TMEM272: variants seen among roughly 807,000 people sequenced by gnomAD.
The protein encoded by TMEM272 is transmembrane protein 272.
A neutral mutation model predicts 3.7 loss-of-function variants in TMEM272; 8 were observed. The observed-to-expected ratio is 2.17, with a 90% confidence interval of 1.27 to 3.91. TMEM272 has a LOEUF of 3.91. Among genes scored for constraint, TMEM272 ranks in the 30% most tolerant of loss-of-function variants. The pLI is 0.00. For missense variants in TMEM272, 166 were observed against 91.5 expected (o/e 1.81, Z -3.32); for synonymous variants, 63 against 39.8 (o/e 1.58, Z -2.20).
At chr13:51,844,046 G>A (rs1956282890) in intron 1 of TMEM272, among the ~76,000 whole-genome samples, 1 of 152,058 alleles carries the variant, frequency 6.6e-6, no homozygotes, top group Admixed American at 6.5e-5. Context: ...CCAAGGAGCA[G>A]GGCAGTCCCC....
At chr13:51,889,772 G>C in the TMEM272 span, among the ~76,000 whole-genome samples, 20 of 152,234 alleles carry the variant, frequency 1.3e-4, no homozygotes, top group Admixed American at 6.5e-5. Context: ...CACCCGAGTA[G>C]CTGAGATTAC....
At chr13:51,861,543 A>G in the TMEM272 span, among the ~76,000 whole-genome samples, 1 of 152,228 alleles carries the variant, frequency 6.6e-6, no homozygotes, top group Non-Finnish European at 1.5e-5. Flanking sequence ...AATTGAGATT[A>G]TCTAATCTAA....
rs563938757 is a variant in TMEM272, at chr13:51,826,582, C to G, written c.102G>C (p.Leu34=). ...VVLCAFLALP[L]SMTFIGMKFL... is the part of the protein sequence containing the mutation. ...GCAGCTTACCTATGAAGGTCATGGACAGCGGCAGAGCCAGGAAAGCACAGA... is the reference window on the plus strand; with the variant it reads ...GCAGCTTACCTATGAAGGTCATGGAGAGCGGCAGAGCCAGGAAAGCACAGA... Residue 34 remains leucine, a synonymous_variant, in exon 3 of 5, where the codon CTG becomes CTC. Transcript: ENST00000629372. The G allele has an allele frequency of 1.4e-5, 10 of 702,444 alleles. No homozygotes were observed. The highest frequency in any genetic ancestry group is 2.6e-5 in the Non-Finnish European group (10 of 385,010). The allele number at this position is 702,444 out of a possible 1,614,324, so 43.5% of individuals were successfully genotyped here.
chr13:51,896,235 C>T, the TMEM272 span, among the ~76,000 whole-genome samples: 1 of 152,202 alleles, frequency 6.6e-6, no homozygotes, highest in Non-Finnish European at 1.5e-5. Flanking sequence ...TTCTCCAGCT[C>T]CTTCTAGCTG....
At chr13:51,842,968 TG>T (rs113793268) in intron 1 of TMEM272, among the ~76,000 whole-genome samples, 1 of 152,198 alleles carries the variant, frequency 6.6e-6, no homozygotes, top group African/African-American at 2.4e-5. Flanking sequence ...TTTTTGGATT[TG>T]AGGTAAAATT....
chr13:51,909,447 A>C, the TMEM272 span: 3 of 879,940 alleles, frequency 3.4e-6, no homozygotes. Context: ...GTAGAGTTTC[A>C]TTTCATTTTC....
the TMEM272 span, among the ~76,000 whole-genome samples, chr13:51,895,689 T>TC: frequency 2.0e-5 from 3 of 151,580 alleles, no homozygotes; most frequent in Admixed American, 6.6e-5. Context: ...ACTGCCTACA[T>TC]CCCCCCACCC....
rs1956171053 is a variant in TMEM272 at position 51,831,238 on chromosome 13, AT to A, written c.59-4614del. Among the ~76,000 whole-genome samples, 3 of 152,276 alleles carry A rather than the reference AT, an allele frequency of 2.0e-5. No individual in the cohort carries two copies. The South Asian group carries it at 6.2e-4, about 32-fold the overall frequency. On this transcript the variant is annotated intron_variant, in intron 2 of 4. Transcript: ENST00000629372. Reference sequence around the variant, plus strand: ...GAAGTTTGAAACCCACCTGGGCAACATGGCAAAACCCCGTCTCTACAAAAAA... The same window carrying A: ...GAAGTTTGAAACCCACCTGGGCAACAGGCAAAACCCCGTCTCTACAAAAAA...
chr13:51,888,042 C>T, the TMEM272 span, among the ~76,000 whole-genome samples: 1 of 97,882 alleles, frequency 1.0e-5, no homozygotes, highest in African/African-American at 3.3e-5. Flanking sequence ...TCACTTGACA[C>T]AATCTTTTTT....
chr13:51,891,887 T>C, the TMEM272 span, among the ~76,000 whole-genome samples: 14 of 152,140 alleles, frequency 9.2e-5, no homozygotes, highest in African/African-American at 3.1e-4. Flanking sequence ...GGGCAGTCAA[T>C]AGAATGGAAT....
chr13:51,879,988 A>ATC, the TMEM272 span, among the ~76,000 whole-genome samples: 1 of 152,346 alleles, frequency 6.6e-6, no homozygotes, highest in South Asian at 2.1e-4. Context: ...AAAAAGAGTC[A>ATC]GATGCTCCAA....
the TMEM272 span, among the ~76,000 whole-genome samples, chr13:51,858,722 G>A: frequency 1.4e-4 from 21 of 152,136 alleles, no homozygotes; most frequent in Non-Finnish European, 1.9e-4. Context: ...TAAGAAAAAC[G>A]AAATTTATTG....
intron 3 of TMEM272, among the ~76,000 whole-genome samples, chr13:51,823,478 A>T (rs10220242): frequency 0.19 from 28,484 of 152,224 alleles, 3,217 homozygotes; most frequent in East Asian, 0.5. Flanking sequence ...CTCAAGATTG[A>T]AGCAGACTGG....
the TMEM272 span, among the ~76,000 whole-genome samples, chr13:51,912,161 C>T: frequency 2.0e-5 from 3 of 152,130 alleles, no homozygotes; most frequent in African/African-American, 4.8e-5. Flanking sequence ...ATTTGCTGAT[C>T]ATTATGTAAA....
intron 2 of TMEM272, among the ~76,000 whole-genome samples, chr13:51,830,249 AG>A (rs1328708988): frequency 6.6e-6 from 1 of 152,216 alleles, no homozygotes. Context: ...CCAGCTGAAA[AG>A]CCCTAAGAGT....
the TMEM272 span, among the ~76,000 whole-genome samples, chr13:51,878,849 T>C: frequency 6.6e-6 from 1 of 152,226 alleles, no homozygotes; most frequent in African/African-American, 2.4e-5. Flanking sequence ...TCCTATTTAA[T>C]GTTTTGTTGC....
Position 51,826,630 on chromosome 13 carries a change from AAGG to A in TMEM272, c.59-8_59-6del. On this transcript the variant is annotated splice_polypyrimidine_tract_variant and splice_region_variant and intron_variant, in intron 2 of 4. Transcript: ENST00000629372. ...AGAGCACAACAACGAAGCAGGCTGC[AAGG>A]AGAAGAAGGGGCAGGCACTGGGTTA... is the stretch of plus-strand genomic sequence containing the variant. 1 of 702,588 alleles carries A rather than the reference AAGG, an allele frequency of 1.4e-6. No homozygotes were observed. Among genetic ancestry groups the A allele is most frequent in the Non-Finnish European group, 2.6e-6 (1 of 385,002 alleles). The allele number at this position is 702,588 out of a possible 1,614,324, so 43.5% of individuals were successfully genotyped here. A position where few individuals can be genotyped will look rare whatever the true frequency, so the allele number is the denominator to read the frequency against.
chr13:51,822,019 T>C (rs1956083883), intron 4 of TMEM272, 36 bp downstream of exon 4: 1 of 702,378 alleles, frequency 1.4e-6, no homozygotes, highest in African/African-American at 1.7e-5. Flanking sequence ...AGTTAATTTC[T>C]ACAAGGACTA....
chr13:51,898,902 C>T, the TMEM272 span, among the ~76,000 whole-genome samples: 1 of 152,128 alleles, frequency 6.6e-6, no homozygotes, highest in Admixed American at 6.6e-5. Flanking sequence ...TTCCTCCTCA[C>T]TTTCTCTGCC....
Sources: allele counts gnomAD v4.1 joint callset (sites outside exome capture counted in the v4.1 genomes callset), GRCh38; gene constraint gnomAD v4.1.1; transcripts MANE v1.5; gene names NCBI Gene and HGNC (gene_info 2026-07-23, HGNC 2026-07-21).